The following GBE1 variants were observed in gnomAD, a reference collection of about 807,000 sequenced individuals.
The protein encoded by GBE1 is 1,4-alpha-glucan branching enzyme 1, also known as 1,4-alpha-glucan-branching enzyme.
A neutral mutation model predicts 88.8 loss-of-function variants in GBE1; 70 were observed. The observed-to-expected ratio is 0.79, with a 90% CI of 0.65 to 0.96. GBE1 has a LOEUF of 0.96. Ranked by LOEUF, GBE1 falls within the 40% of genes least tolerant of loss-of-function variation. The pLI is 0.00. For synonymous variants in GBE1, 284 were observed against 300.1 expected, an observed-to-expected ratio of 0.95 and a Z score of 0.56; for missense variants, 872 against 871.0, an observed-to-expected ratio of 1.00 and a Z score of -0.01.
chr3:81,733,599 CTA>C lies in GBE1; in HGVS notation c.143+27774_143+27775del, dbSNP rs1706217159. 1.3e-5 allele frequency among the ~76,000 whole-genome samples: 2 copies of C among 152,126 alleles called. No individual in the cohort carries two copies. The highest frequency in any genetic ancestry group is 2.9e-5 in the Non-Finnish European group (2 of 68,032). ...CACTCTTCCACCAGACAGTGCATGA[CTA>C]ATTCCCCTGCAGGTCTTTCCACAAA... On this transcript the variant is annotated intron_variant, in intron 1 of 15. Transcript: ENST00000429644. This position sits in a 1 kb window ranked among gnomAD's most constrained non-coding sequence, Gnocchi z 4.0.
intron 6 of GBE1, among the ~76,000 whole-genome samples, chr3:81,646,139 G>A (rs1191480359): frequency 6.6e-6 from 1 of 152,160 alleles, no homozygotes; most frequent in African/African-American, 2.4e-5. Context: ...CTCCAAATGA[G>A]TGACAATTTC....
intron 14 of GBE1, among the ~76,000 whole-genome samples, chr3:81,530,665 A>C (rs1430642132): frequency 6.6e-6 from 1 of 151,918 alleles, no homozygotes; most frequent in Admixed American, 6.6e-5. Flanking sequence ...TTTCCCCTAA[A>C]CAAAGGTCAT....
chr3:81,708,744 C>G (rs1705811473), intron 1 of GBE1, among the ~76,000 whole-genome samples: 3 of 151,922 alleles, frequency 2.0e-5, no homozygotes, highest in Admixed American at 2.0e-4. Context: ...TACTACAAAA[C>G]CATGGAAAAT....
At chr3:81,504,382 C>A (rs1702628188) in intron 14 of GBE1, among the ~76,000 whole-genome samples, 1 of 151,972 alleles carries the variant, frequency 6.6e-6, no homozygotes, top group Non-Finnish European at 1.5e-5. Flanking sequence ...TATACTTGTT[C>A]TAGTCCATTT....
intron 6 of GBE1, 40 bp from the exon 7 acceptor site, chr3:81,643,030 AT>A: frequency 7.3e-7 from 1 of 1,366,752 alleles, no homozygotes; most frequent in Non-Finnish European, 1.0e-6. Flanking sequence ...ATTACATCAC[AT>A]TTAGAGGAAA....
intron 14 of GBE1, among the ~76,000 whole-genome samples, chr3:81,520,264 T>G (rs1259029875): frequency 1.3e-5 from 2 of 151,544 alleles, no homozygotes; most frequent in African/African-American, 4.8e-5. Flanking sequence ...TCGGTGCCAT[T>G]TTTCTAACAG....
chr3:81,738,793 T>C (rs1197083548), intron 1 of GBE1, among the ~76,000 whole-genome samples: 1 of 152,184 alleles, frequency 6.6e-6, no homozygotes, highest in African/African-American at 2.4e-5. Flanking sequence ...AAAGCTGGTA[T>C]TATTATCCTC....
intron 12 of GBE1, among the ~76,000 whole-genome samples, chr3:81,565,158 A>G (rs1703474965): frequency 6.6e-6 from 1 of 152,170 alleles, no homozygotes; most frequent in Non-Finnish European, 1.5e-5. Flanking sequence ...ATCTCTGAGC[A>G]TTTTAACAGA....
At chr3:81,616,532 G>T (rs188349986) in intron 7 of GBE1, among the ~76,000 whole-genome samples, 42 of 152,126 alleles carry the variant, frequency 2.8e-4, no homozygotes, top group Admixed American at 1.0e-3. Flanking sequence ...CTATTTCTGG[G>T]TTGTCTATTC....
At chr3:81,666,657 G>A (rs1307628085) in intron 3 of GBE1, among the ~76,000 whole-genome samples, 1 of 152,058 alleles carries the variant, frequency 6.6e-6, no homozygotes, top group African/African-American at 2.4e-5. Context: ...AATATGAAAA[G>A]AACAATTTAA....
intron 12 of GBE1, among the ~76,000 whole-genome samples, chr3:81,554,638 A>C (rs1703321582): frequency 6.6e-6 from 1 of 152,222 alleles, no homozygotes; most frequent in Non-Finnish European, 1.5e-5. Flanking sequence ...TTAAAAAGAA[A>C]GCACATAGCC....
intron 7 of GBE1, chr3:81,612,217 C>CT (rs1704190658): frequency 1.0e-5 from 3 of 294,740 alleles, no homozygotes; most frequent in African/African-American, 5.2e-5. Flanking sequence ...ATCCACGCTC[C>CT]TTTAAAAAAA....
At chr3:81,578,163 G>T in intron 11 of GBE1, 67 bp from the exon 12 acceptor site, 1 of 1,083,136 alleles carries the variant, frequency 9.2e-7, no homozygotes, top group Non-Finnish European at 1.3e-6. Flanking sequence ...ATTTACAATA[G>T]AACAATGCAT....
intron 12 of GBE1, among the ~76,000 whole-genome samples, chr3:81,547,986 C>T (rs564587287): frequency 6.6e-6 from 1 of 151,428 alleles, no homozygotes; most frequent in South Asian, 2.1e-4. Context: ...GGGAGATGAC[C>T]TTTTAACCAC....
chr3:81,544,301 TAAG>T (rs1703178023), intron 12 of GBE1, among the ~76,000 whole-genome samples: 1 of 152,184 alleles, frequency 6.6e-6, no homozygotes, highest in African/African-American at 2.4e-5. Flanking sequence ...CTGTGACAGT[TAAG>T]AACAATAGTT....
intron 13 of GBE1, among the ~76,000 whole-genome samples, chr3:81,536,573 A>G (rs1353766568): frequency 6.6e-6 from 1 of 152,060 alleles, no homozygotes; most frequent in African/African-American, 2.4e-5. Context: ...TACATAAAAA[A>G]GTGTTCCAAA....
At chr3:81,525,715 T>G (rs1031316919) in intron 14 of GBE1, among the ~76,000 whole-genome samples, 2 of 152,026 alleles carry the variant, frequency 1.3e-5, no homozygotes, top group Non-Finnish European at 2.9e-5. Flanking sequence ...TCAGAGCCTG[T>G]TATTGGTCTA....
Position 81,499,237 on chromosome 3 carries a change from T to C in GBE1, c.1935-10A>G, listed in dbSNP as rs755109777. On this transcript the variant is annotated splice_polypyrimidine_tract_variant and intron_variant, in intron 14 of 15. Transcript: ENST00000429644. ...TAGCACAATTTTGAATGTACAGCTCTTAAGGAATTCACAACAGTTGAGGAG... is the reference window on the plus strand; with the variant it reads ...TAGCACAATTTTGAATGTACAGCTCCTAAGGAATTCACAACAGTTGAGGAG... 6.6e-7 allele frequency: 1 copy of C among 1,507,686 alleles called. No homozygotes were observed. The highest frequency in any genetic ancestry group is 9.2e-7 in the Non-Finnish European group (1 of 1,087,080). 93.4% of individuals were successfully genotyped at this position (1,507,686 alleles called of 1,614,324 possible).
chr3:81,747,664 C>A (rs922047361), intron 1 of GBE1, among the ~76,000 whole-genome samples: 4 of 152,196 alleles, frequency 2.6e-5, no homozygotes, highest in Non-Finnish European at 4.4e-5. Flanking sequence ...AAGGCCCTGC[C>A]CCGCCTTAGC....
Sources: allele counts gnomAD v4.1 joint callset (sites outside exome capture counted in the v4.1 genomes callset), GRCh38; gene constraint gnomAD v4.1.1; non-coding constraint Gnocchi (gnomAD v3.1); transcripts MANE v1.5; gene names NCBI Gene and HGNC (gene_info 2026-07-23, HGNC 2026-07-21).